The following PAFAH1B2 variants were observed in gnomAD, a reference collection of about 807,000 sequenced individuals.
PAFAH1B2 encodes the protein platelet activating factor acetylhydrolase 1b catalytic subunit 2, also known as platelet-activating factor acetylhydrolase IB subunit alpha2.
PAFAH1B2 carries 8 observed loss-of-function variants against 28.0 expected under a neutral mutation model. The observed-to-expected ratio is 0.29, with a 90% CI of 0.17 to 0.52. The LOEUF (loss-of-function observed/expected upper bound fraction) is 0.52. Ranked by LOEUF, PAFAH1B2 falls within the 20% of genes least tolerant of loss-of-function variation. The pLI is 0.97. For missense variants in PAFAH1B2, 190 were observed against 282.6 expected, an observed-to-expected ratio of 0.67 and a Z score of 2.35; for synonymous variants, 104 against 103.2, an observed-to-expected ratio of 1.01 and a Z score of -0.05.
Position 117,169,614 on chromosome 11 carries a change from T to C in PAFAH1B2, c.*1915T>C. On this transcript the variant is annotated 3_prime_UTR_variant, in exon 6 of 6. Coordinates refer to ENST00000527958, the MANE Select transcript of PAFAH1B2 (RefSeq NM_002572.4). ...GGTTTTGTTCTTTTTAAAAAATACA[T>C]ACTTTTTTGAATGTATCATGTCTTC... 1 of 1,051,310 alleles carries C rather than the reference T, an allele frequency of 9.5e-7. No homozygotes were observed. Among genetic ancestry groups the C allele is most frequent in the Non-Finnish European group, 1.2e-6 (1 of 869,544 alleles). The allele number at this position is 1,051,310 out of a possible 1,614,324, so 65.1% of individuals were successfully genotyped here. A position where few individuals can be genotyped will look rare whatever the true frequency, so the allele number is the denominator to read the frequency against.
At chr11:117,152,617 T>G in intron 2 of PAFAH1B2, 89 bp downstream of exon 2, 1 of 911,088 alleles carries the variant, frequency 1.1e-6, no homozygotes, top group Non-Finnish European at 1.8e-6. Context: ...AAGGTCTCAC[T>G]GTGTTGCCCA....
intron 4 of PAFAH1B2, among the ~76,000 whole-genome samples, chr11:117,163,014 A>C (rs912672057): frequency 3.9e-5 from 6 of 152,152 alleles, no homozygotes; most frequent in Admixed American, 6.5e-5. Flanking sequence ...TATACAGTTT[A>C]TTAATCTTTT....
At chr11:117,175,837 A>G, downstream of PAFAH1B2, 5 of 1,394,118 alleles carry the variant, frequency 3.6e-6, no homozygotes, top group Non-Finnish European at 4.9e-6. Context: ...AGGCTGTGGC[A>G]GATCGCTTGA....
chr11:117,171,509 CTG>C (rs1487028573), downstream of PAFAH1B2: 12 of 576,850 alleles, frequency 2.1e-5, no homozygotes, highest in Non-Finnish European at 3.4e-5. Context: ...GCACTCCAGC[CTG>C]GGCAACAGAG....
intron 2 of PAFAH1B2, among the ~76,000 whole-genome samples, chr11:117,156,887 ATGCGCC>A (rs1225838429): frequency 1.3e-5 from 2 of 152,080 alleles, no homozygotes; most frequent in South Asian, 2.1e-4. Flanking sequence ...ATATGGTGAA[ATGCGCC>A]TGAGGCTGAG....
At chr11:117,152,394 A>C (rs372276410) in intron 1 of PAFAH1B2, 47 bp from the exon 2 acceptor site, 1 of 1,154,658 alleles carries the variant, frequency 8.7e-7, no homozygotes, top group Non-Finnish European at 1.3e-6. Flanking sequence ...AGTGGTAACA[A>C]ACCTTCCTGT....
intron 1 of PAFAH1B2, among the ~76,000 whole-genome samples, chr11:117,146,838 GGAAAA>G (rs1565258618): frequency 1.5e-5 from 2 of 135,870 alleles, no homozygotes; most frequent in Non-Finnish European, 3.0e-5. Context: ...CCCATCTATT[GGAAAA>G]AAAAAAAAAA....
chr11:117,163,571 G>A (rs918290079), intron 4 of PAFAH1B2, among the ~76,000 whole-genome samples, 199 bp from the exon 5 acceptor site: 1 of 151,996 alleles, frequency 6.6e-6, no homozygotes, highest in Non-Finnish European at 1.5e-5. Flanking sequence ...TACTCGGGAG[G>A]CTGAGGCAGG....
chr11:117,153,144 A>C (rs1328052093), intron 2 of PAFAH1B2, among the ~76,000 whole-genome samples: 1 of 152,366 alleles, frequency 6.6e-6, no homozygotes, highest in East Asian at 1.9e-4. Context: ...TTAATAGTCA[A>C]CAAGAATTTG....
chr11:117,172,653 T>G (rs1005687281), downstream of PAFAH1B2, among the ~76,000 whole-genome samples: 1 of 152,126 alleles, frequency 6.6e-6, no homozygotes, highest in African/African-American at 2.4e-5. Flanking sequence ...TGCCCATAGT[T>G]GGGAGCCCCC....
rs186828586 is a variant in PAFAH1B2, at chr11:117,176,521, C to T, written c.*1623C>T. 3 of 191,116 alleles carry T rather than the reference C, an allele frequency of 1.6e-5. No individual in the cohort carries two copies. The East Asian group carries it at 2.5e-4, about 16-fold the overall frequency. 11.8% of individuals were successfully genotyped at this position (191,116 alleles called of 1,614,324 possible). On this transcript the variant is annotated 3_prime_UTR_variant, in exon 6 of 6. Coordinates refer to the PAFAH1B2 transcript ENST00000419197. ...GAGAGAACTCTGACAAGGCACTGAT[C>T]TGGGTGGCTTTATTAGGATGTCTGA...
At position 117,154,164 on chromosome 11, in the gene PAFAH1B2, C is replaced by A. The variant is rs1258513382; in HGVS notation, c.81+1636C>A. Among the ~76,000 whole-genome samples the A allele has an allele frequency of 2.6e-5, 4 of 151,684 alleles. No individual in the cohort carries two copies. The South Asian group carries it at 8.3e-4, about 32-fold the overall frequency. Reference sequence around the variant, plus strand: ...CAGTTGATTTGCCCATTTTTTCTTTCATGGACATCTGGATCATTTATACCT... The same window carrying A: ...CAGTTGATTTGCCCATTTTTTCTTTAATGGACATCTGGATCATTTATACCT... On this transcript the variant is annotated intron_variant, in intron 2 of 5. Transcript: ENST00000527958.
At chr11:117,166,575 G>T (rs1956515460) in intron 5 of PAFAH1B2, among the ~76,000 whole-genome samples, 1 of 152,308 alleles carries the variant, frequency 6.6e-6, no homozygotes, top group East Asian at 1.9e-4. Context: ...AAATGTTTTT[G>T]AATTGCTTTG....
chr11:117,153,582 G>C (rs75329035), intron 2 of PAFAH1B2, among the ~76,000 whole-genome samples: 1 of 151,916 alleles, frequency 6.6e-6, no homozygotes, highest in Non-Finnish European at 1.5e-5. Context: ...GTAGAGACAG[G>C]GTTCTGCCAT....
rs1956432716 is a variant in PAFAH1B2, at chr11:117,163,757, T to C, written c.289-13T>C. ...TTTATCTTCTCCTTCCCCCCTTTTT[T>C]CTTCAATTGCAGGTCATTGTTGTCT... On this transcript the variant is annotated splice_polypyrimidine_tract_variant and intron_variant, in intron 4 of 5. Coordinates refer to ENST00000527958, the MANE Select transcript of PAFAH1B2 (RefSeq NM_002572.4). 1.2e-6 allele frequency: 2 copies of C among 1,612,720 alleles called. No individual in the cohort carries two copies. The highest frequency in any genetic ancestry group is 1.7e-5 in the Admixed American group (1 of 59,840).
At chr11:117,161,321 T>C in intron 4 of PAFAH1B2, 60 bp downstream of exon 4, 1 of 1,064,572 alleles carries the variant, frequency 9.4e-7, no homozygotes, top group East Asian at 2.7e-5. Context: ...ATAGTTAAAT[T>C]GTCTGAAACT....
chr11:117,150,205 T>TG (rs2134171422), intron 1 of PAFAH1B2, among the ~76,000 whole-genome samples: 1 of 152,336 alleles, frequency 6.6e-6, no homozygotes, highest in East Asian at 1.9e-4. Context: ...TTGTTTGAGA[T>TG]GAAGTCTTGC....
rs1441641200 is a variant in PAFAH1B2, at chr11:117,161,251, T to C, written c.278T>C (p.Ile93Thr). The change falls in exon 4 of 6, where the codon ATT (isoleucine) becomes ACT (threonine). Residue 93 changes from isoleucine to threonine, a missense_variant. Physicochemically the swap from Ile to Thr is moderately conservative, Grantham distance 89 (BLOSUM62 -1). Coordinates refer to ENST00000527958, the MANE Select transcript of PAFAH1B2 (RefSeq NM_002572.4). ...CTAAAGAATGGAGAACTGGAGAATATTAAGCCTAAGGTGAAATGAAAGTTA... is the reference window on the plus strand; with the variant it reads ...CTAAAGAATGGAGAACTGGAGAATACTAAGCCTAAGGTGAAATGAAAGTTA... ...WRLKNGELEN[I>T]KPKVIVVWVG... is the part of the protein sequence containing the mutation. The C allele has an allele frequency of 6.5e-7, 1 of 1,546,926 alleles. No homozygotes were observed. Among genetic ancestry groups the C allele is most frequent in the Non-Finnish European group, 8.7e-7 (1 of 1,143,166 alleles).
chr11:117,172,685 C>A (rs1182629206), downstream of PAFAH1B2, among the ~76,000 whole-genome samples: 1 of 152,050 alleles, frequency 6.6e-6, no homozygotes, highest in African/African-American at 2.4e-5. Flanking sequence ...TGCTCTTACC[C>A]CTTTGCTGGT....
Sources: gnomAD v4.1 joint callset for allele counts (sites outside exome capture counted in the v4.1 genomes callset) on GRCh38, gnomAD v4.1.1 for gene constraint, MANE v1.5 for transcripts, NCBI Gene and HGNC (gene_info 2026-07-23, HGNC 2026-07-21) for gene names.